Variants in NRG2 observed in about 807,000 individuals in gnomAD.
NRG2 encodes pro-neuregulin-2, membrane-bound isoform.
A neutral mutation model predicts 73.9 loss-of-function variants in NRG2; 27 were observed. The ratio of observed to expected loss-of-function variants is 0.37; its 90% CI spans 0.27 to 0.50. The LOEUF is 0.50. Ranked by LOEUF, NRG2 falls within the 20% of genes least tolerant of loss-of-function variation. NRG2 has a pLI of 0.96. For missense variants in NRG2, 1,126 were observed against 1,210.1 expected (o/e 0.93, Z 1.03); for synonymous variants, 532 against 541.0 (o/e 0.98, Z 0.23).
chr5:140,036,492 T>A (rs551244695), intron 1 of NRG2, among the ~76,000 whole-genome samples: 15 of 152,342 alleles, frequency 9.8e-5, no homozygotes, highest in African/African-American at 3.1e-4. Context: ...TTTAAAGAAG[T>A]CTACTTTAAT....
intron 1 of NRG2, among the ~76,000 whole-genome samples, chr5:139,896,567 G>T (rs1764551998): frequency 6.6e-6 from 1 of 152,136 alleles, no homozygotes; most frequent in Non-Finnish European, 1.5e-5. Context: ...TCCTCCCTGG[G>T]TATTTAGTCA....
rs899001214 is a variant in NRG2 at position 140,017,978 on chromosome 5, G to A, written c.700+24392C>T. On this transcript the variant is annotated intron_variant, in intron 1 of 9. Coordinates refer to ENST00000361474, the MANE Select transcript of NRG2 (RefSeq NM_004883.3). ...TAGGGACATCTGTTGCATCAGAGGG[G>A]AGGAAGAGAGGACCGATAAGTATAA... Among the ~76,000 whole-genome samples, 12 of 152,144 alleles carry A rather than the reference G, an allele frequency of 7.9e-5. No homozygotes were observed. In the South Asian group the frequency reaches 1.0e-3, roughly 13 times the overall value.
chr5:139,882,191 G>A (rs1763566293), intron 2 of NRG2, among the ~76,000 whole-genome samples: 1 of 152,178 alleles, frequency 6.6e-6, no homozygotes, highest in Non-Finnish European at 1.5e-5. Flanking sequence ...CCTAGGGGAT[G>A]TAAAACTGAG....
At chr5:139,924,279 G>A (rs931683717) in intron 1 of NRG2, among the ~76,000 whole-genome samples, 3 of 152,238 alleles carry the variant, frequency 2.0e-5, no homozygotes. Flanking sequence ...TCACAAGAGT[G>A]CTAAATCAAT....
chr5:139,978,781 C>T (rs1756567614), intron 1 of NRG2, among the ~76,000 whole-genome samples: 1 of 152,100 alleles, frequency 6.6e-6, no homozygotes, highest in African/African-American at 2.4e-5. Flanking sequence ...CACAATATTG[C>T]AGCACTATGT....
chr5:139,993,588 ATTAT>A (rs1255984843), intron 1 of NRG2, among the ~76,000 whole-genome samples: 1 of 152,214 alleles, frequency 6.6e-6, no homozygotes, highest in Non-Finnish European at 1.5e-5. Context: ...AGTATCTGGA[ATTAT>A]CCTGTCCACT....
chr5:140,031,094 C>T (rs1280320255), intron 1 of NRG2, among the ~76,000 whole-genome samples: 1 of 152,186 alleles, frequency 6.6e-6, no homozygotes, highest in Non-Finnish European at 1.5e-5. Flanking sequence ...GCCTACCTCC[C>T]CATTAGGCCT....
At chr5:139,944,222 T>C (rs191683285) in intron 1 of NRG2, among the ~76,000 whole-genome samples, 11 of 152,208 alleles carry the variant, frequency 7.2e-5, no homozygotes, top group Non-Finnish European at 1.5e-4. Flanking sequence ...GCAATTAGCA[T>C]ATCCATCATC....
intron 1 of NRG2, among the ~76,000 whole-genome samples, chr5:139,895,003 A>C (rs140388005): frequency 1.2e-3 from 180 of 152,342 alleles, no homozygotes; most frequent in Non-Finnish European, 2.1e-3. Flanking sequence ...AGGGCAGATA[A>C]AGAAGAAGGG....
At chr5:139,893,373 T>TA (rs545419407) in intron 1 of NRG2, among the ~76,000 whole-genome samples, 122 of 152,308 alleles carry the variant, frequency 8.0e-4, no homozygotes, top group African/African-American at 2.9e-3. Context: ...TCATGCATAT[T>TA]TTCTCATGCA....
chr5:139,969,372 G>C (rs1226293362), intron 1 of NRG2, among the ~76,000 whole-genome samples: 2 of 152,232 alleles, frequency 1.3e-5, no homozygotes, highest in Non-Finnish European at 2.9e-5. Flanking sequence ...CAGAGGGACA[G>C]ACATAAGGCT....
In NRG2 at chr5:139,855,417, G is replaced by A. The variant is rs186184459; in HGVS notation, c.1292+259C>T. On this transcript the variant is annotated intron_variant, in intron 6 of 9. Coordinates refer to ENST00000361474, the MANE Select transcript of NRG2 (RefSeq NM_004883.3). ...CAGAGCTGGATTTGAACCCAGATTC[G>A]TCTTCTTCCAAAGCCTGTGCTCACA... Among the ~76,000 whole-genome samples, 119 of 152,328 alleles carry A rather than the reference G, an allele frequency of 7.8e-4. 3 individuals are homozygous for A. In the East Asian group the frequency reaches 0.013, roughly 16 times the overall value.
intron 1 of NRG2, among the ~76,000 whole-genome samples, chr5:140,031,117 G>A (rs1195266689): frequency 6.6e-6 from 1 of 152,166 alleles, no homozygotes; most frequent in Non-Finnish European, 1.5e-5. Flanking sequence ...CAGACCTGAG[G>A]TCTAAGGAAG....
chr5:139,884,358 A>G (rs1763731742), intron 2 of NRG2, among the ~76,000 whole-genome samples: 1 of 152,112 alleles, frequency 6.6e-6, no homozygotes, highest in Non-Finnish European at 1.5e-5. Flanking sequence ...CAGCATAGGG[A>G]ACAGCCTGGG....
chr5:139,905,600 C>T (rs1461414178), intron 1 of NRG2, among the ~76,000 whole-genome samples: 1 of 148,630 alleles, frequency 6.7e-6, no homozygotes, highest in Non-Finnish European at 1.5e-5. Flanking sequence ...GGTGGGAACA[C>T]AGAAAGGGGG....
chr5:140,010,879 A>G (rs1381421364), intron 1 of NRG2, among the ~76,000 whole-genome samples: 2 of 152,208 alleles, frequency 1.3e-5, no homozygotes, highest in Admixed American at 6.5e-5. Context: ...AGACTTGTTA[A>G]CAGTTGTTTA....
chr5:139,876,925 CTGTGTGTGTGTGTGTGTGTG>C (rs3082489), intron 3 of NRG2, among the ~76,000 whole-genome samples: 4 of 141,900 alleles, frequency 2.8e-5, no homozygotes, highest in African/African-American at 1.0e-4. Flanking sequence ...GAATGTGCAT[CTGTGTGTGTGTGTGTGTGTG>C]TGTGTGTGTG....
chr5:139,978,560 A>G (rs1337839634), intron 1 of NRG2, among the ~76,000 whole-genome samples: 2 of 152,240 alleles, frequency 1.3e-5, no homozygotes, highest in Admixed American at 6.5e-5. Flanking sequence ...ATCTAGAACT[A>G]GAAATACCAT....
At position 139,985,722 on chromosome 5, in the gene NRG2, A is replaced by G. The variant is rs564048571; in HGVS notation, c.700+56648T>C. On this transcript the variant is annotated intron_variant, in intron 1 of 9. Coordinates refer to ENST00000361474, the MANE Select transcript of NRG2 (RefSeq NM_004883.3). ...CCAATCTCAGGGGACAGCTTGCCCA[A>G]GCAGTGTGAAAGCCAAGCCCCCTCT... 2.6e-5 allele frequency among the ~76,000 whole-genome samples: 4 copies of G among 152,312 alleles called. No homozygotes were observed. The East Asian group carries it at 7.7e-4, about 29-fold the overall frequency.
Sources: allele counts gnomAD v4.1 joint callset (sites outside exome capture counted in the v4.1 genomes callset), GRCh38; gene constraint gnomAD v4.1.1; transcripts MANE v1.5; gene names NCBI Gene and HGNC (gene_info 2026-07-23, HGNC 2026-07-21).